The following EXOC2 variants were observed in gnomAD, a reference collection of about 807,000 sequenced individuals.
The protein encoded by EXOC2 is SEC5-like 1.
A neutral mutation model predicts 131.8 loss-of-function variants in EXOC2; 70 were observed. The observed-to-expected ratio is 0.53, with a 90% CI of 0.44 to 0.65. EXOC2 has a LOEUF of 0.65. Among genes scored for constraint, EXOC2 ranks in the 30% least tolerant of loss-of-function variants. The pLI is 0.00. For missense variants in EXOC2, 923 were observed against 1,108.6 expected (o/e 0.83, Z 2.38); for synonymous variants, 411 against 398.4 (o/e 1.03, Z -0.38).
chr6:574,451 G>A (rs1436812030), intron 12 of EXOC2, among the ~76,000 whole-genome samples: 1 of 152,184 alleles, frequency 6.6e-6, no homozygotes, highest in Non-Finnish European at 1.5e-5. Flanking sequence ...GTAGTGTTAT[G>A]CGACCTTTCT....
At chr6:555,878 G>A in intron 19 of EXOC2, 76 bp downstream of exon 19, 2 of 1,413,866 alleles carry the variant, frequency 1.4e-6, no homozygotes, top group Middle Eastern at 3.6e-4. Flanking sequence ...GTCATCTGCA[G>A]ATTATAAATA....
intron 2 of EXOC2, among the ~76,000 whole-genome samples, chr6:636,057 G>A (rs547493237): frequency 2.6e-5 from 4 of 152,328 alleles, no homozygotes; most frequent in East Asian, 3.9e-4. Context: ...GCGAGACTCC[G>A]TCTCAAAACA....
intron 11 of EXOC2, among the ~76,000 whole-genome samples, chr6:592,251 G>A (rs555041541): frequency 4.7e-4 from 72 of 152,056 alleles, no homozygotes; most frequent in Admixed American, 1.0e-3. Flanking sequence ...AAACGTCAAC[G>A]CTGTCCACCA....
intron 23 of EXOC2, among the ~76,000 whole-genome samples, chr6:518,666 T>C (rs992013736): frequency 9.2e-5 from 14 of 152,192 alleles, no homozygotes; most frequent in African/African-American, 3.4e-4. Context: ...CAAATGGTTT[T>C]ACAGCACTGA....
At chr6:537,425 T>G (rs1403114000) in intron 22 of EXOC2, among the ~76,000 whole-genome samples, 4 of 60,364 alleles carry the variant, frequency 6.6e-5, no homozygotes, top group Non-Finnish European at 1.3e-4. Context: ...AGCGTACACA[T>G]GAGGTGACGG....
chr6:660,494 C>T (rs187246888), intron 1 of EXOC2, among the ~76,000 whole-genome samples: 6 of 152,254 alleles, frequency 3.9e-5, no homozygotes, highest in African/African-American at 7.2e-5. Flanking sequence ...GCAGGCAACC[C>T]CCAGTACCAG....
intron 23 of EXOC2, among the ~76,000 whole-genome samples, chr6:507,849 T>C (rs1764648778): frequency 6.6e-6 from 1 of 152,204 alleles, no homozygotes; most frequent in African/African-American, 2.4e-5. Flanking sequence ...TTAGAGAAGG[T>C]CGACATTAAA....
chr6:654,096 A>G (rs1182177641), intron 1 of EXOC2, among the ~76,000 whole-genome samples: 1 of 152,248 alleles, frequency 6.6e-6, no homozygotes, highest in Non-Finnish European at 1.5e-5. Flanking sequence ...TCAGAATATC[A>G]CTGTTCATTA....
intron 23 of EXOC2, among the ~76,000 whole-genome samples, chr6:505,384 C>T (rs909234299): frequency 9.9e-5 from 15 of 152,140 alleles, no homozygotes; most frequent in African/African-American, 3.1e-4. Context: ...CGAAGAGGAT[C>T]GGGGGACACA....
intron 1 of EXOC2, chr6:656,821 C>T (rs771862523): frequency 1.2e-6 from 2 of 1,609,608 alleles, no homozygotes; most frequent in Non-Finnish European, 1.7e-6. Flanking sequence ...CCCGCGGGGC[C>T]GAAGCACAGG....
At chr6:535,802 C>T (rs143835710) in intron 22 of EXOC2, among the ~76,000 whole-genome samples, 245 of 152,164 alleles carry the variant, frequency 1.6e-3, no homozygotes, top group African/African-American at 5.5e-3. Context: ...TTTAATGAAG[C>T]CAGTATAACC....
At chr6:508,424 A>C (rs994101295) in intron 23 of EXOC2, among the ~76,000 whole-genome samples, 1 of 152,198 alleles carries the variant, frequency 6.6e-6, no homozygotes, top group Non-Finnish European at 1.5e-5. Context: ...CAGTAGCTTC[A>C]CTGCCCTAAA....
At chr6:492,957 G>A (rs1233451942) in intron 25 of EXOC2, among the ~76,000 whole-genome samples, 5 of 152,122 alleles carry the variant, frequency 3.3e-5, no homozygotes, top group Non-Finnish European at 2.9e-5. Context: ...TCACTTCTAC[G>A]CAAGCATGAA....
At chr6:488,392 C>T (rs1426910512) in intron 27 of EXOC2, among the ~76,000 whole-genome samples, 1 of 152,168 alleles carries the variant, frequency 6.6e-6, no homozygotes, top group Non-Finnish European at 1.5e-5. Context: ...ATTTACCTGG[C>T]CTAGATTTTC....
chr6:652,055 C>CAAAAAAAAAAAAAAAAAAA (rs779403495), intron 1 of EXOC2, among the ~76,000 whole-genome samples: 2 of 78,002 alleles, frequency 2.6e-5, no homozygotes, highest in African/African-American at 9.2e-5. Flanking sequence ...GATTCCATCT[C>CAAAAAAAAAAAAAAAAAAA]AAAAAAAAAA....
At chr6:507,566 T>C (rs1340146160) in intron 23 of EXOC2, among the ~76,000 whole-genome samples, 2 of 152,174 alleles carry the variant, frequency 1.3e-5, no homozygotes, top group African/African-American at 4.8e-5. Context: ...GAGAGGGCTT[T>C]TGCTTGATGA....
intron 5 of EXOC2, 53 bp from the exon 6 acceptor site, chr6:617,888 A>G: frequency 6.3e-7 from 1 of 1,587,326 alleles, no homozygotes; most frequent in Non-Finnish European, 8.6e-7. Flanking sequence ...GCAAGAAAGA[A>G]AAAATAATTC....
intron 1 of EXOC2, among the ~76,000 whole-genome samples, chr6:681,161 A>G (rs1764386790): frequency 6.6e-6 from 1 of 152,248 alleles, no homozygotes; most frequent in African/African-American, 2.4e-5. Flanking sequence ...ATAAAACCTG[A>G]GTGCCCTAAT....
intron 23 of EXOC2, among the ~76,000 whole-genome samples, chr6:527,819 A>G (rs1290499900): frequency 6.6e-6 from 1 of 152,248 alleles, no homozygotes; most frequent in Non-Finnish European, 1.5e-5. Context: ...CACTTAGTAA[A>G]TAACTTTAAA....
Sources: gnomAD v4.1 joint callset for allele counts (sites outside exome capture counted in the v4.1 genomes callset) on GRCh38, gnomAD v4.1.1 for gene constraint, MANE v1.5 for transcripts, NCBI Gene and HGNC (gene_info 2026-07-23, HGNC 2026-07-21) for gene names.